SNX29: variants seen among roughly 807,000 people sequenced by gnomAD.
SNX29 encodes the protein sorting nexin 29.
A neutral mutation model predicts 102.1 loss-of-function variants in SNX29; 78 were observed. That is an observed-to-expected ratio of 0.76 (90% CI 0.64 to 0.92). The LOEUF (loss-of-function observed/expected upper bound fraction) is 0.92. Among genes scored for constraint, SNX29 ranks in the 40% least tolerant of loss-of-function variants. SNX29 has a pLI of 0.00. For missense variants in SNX29, 1,280 were observed against 1,061.7 expected (o/e 1.21, Z -2.86); for synonymous variants, 580 against 414.5 (o/e 1.40, Z -4.85).
rs1466684944 is a variant in SNX29 at position 12,043,232 on chromosome 16, G to A, written c.428+155G>A. Among the ~76,000 whole-genome samples the A allele has an allele frequency of 2.0e-5, 3 of 152,222 alleles. No individual in the cohort carries two copies. In the East Asian group the frequency reaches 5.8e-4, roughly 29 times the overall value. On this transcript the variant is annotated intron_variant, in intron 5 of 20. Transcript: ENST00000566228. ...CCGGAGTGTTCTGCTGAGCTGTGGA[G>A]AAACTTGGGGGAGAATCATTGAGAG...
intron 14 of SNX29, among the ~76,000 whole-genome samples, chr16:12,215,947 T>C (rs776982978): frequency 6.6e-6 from 1 of 152,092 alleles, no homozygotes; most frequent in Non-Finnish European, 1.5e-5. Context: ...GCGTGCACAG[T>C]TGTGGGGCCT....
intron 15 of SNX29, among the ~76,000 whole-genome samples, chr16:12,351,204 C>G (rs2081983038): frequency 8.1e-6 from 1 of 123,838 alleles, no homozygotes; most frequent in South Asian, 2.3e-4. Flanking sequence ...AGGCCTGACA[C>G]TTAGTTGGTG....
At chr16:11,999,138 A>G (rs940450256) in intron 1 of SNX29, among the ~76,000 whole-genome samples, 159 bp from the exon 2 acceptor site, 2 of 152,232 alleles carry the variant, frequency 1.3e-5, no homozygotes, top group Admixed American at 1.3e-4. Flanking sequence ...CCTTTGATGC[A>G]GTAACAGGCA....
At chr16:12,481,168 C>A (rs1367743193) in intron 19 of SNX29, among the ~76,000 whole-genome samples, 1 of 151,988 alleles carries the variant, frequency 6.6e-6, no homozygotes, top group African/African-American at 2.4e-5. Flanking sequence ...TAAAAGACAC[C>A]ATCTTAGTGG....
At chr16:12,393,786 G>C (rs1430046556) in intron 16 of SNX29, among the ~76,000 whole-genome samples, 1 of 152,244 alleles carries the variant, frequency 6.6e-6, no homozygotes, top group Non-Finnish European at 1.5e-5. Context: ...TTAACTGTGA[G>C]ACCATGAAGT....
chr16:12,172,174 C>T (rs536232313), intron 13 of SNX29, among the ~76,000 whole-genome samples: 2 of 152,102 alleles, frequency 1.3e-5, no homozygotes, highest in Non-Finnish European at 2.9e-5. Flanking sequence ...CCTGGTGGCT[C>T]TCATTGTGGC....
At chr16:12,380,997 C>A in intron 16 of SNX29, among the ~76,000 whole-genome samples, 2 of 126,396 alleles carry the variant, frequency 1.6e-5, no homozygotes, top group Admixed American at 7.7e-5. Context: ...ATCCACCCAC[C>A]CACCATCCAT....
At chr16:12,533,923 C>A (rs961640783) in intron 20 of SNX29, among the ~76,000 whole-genome samples, 1 of 152,250 alleles carries the variant, frequency 6.6e-6, no homozygotes, top group Non-Finnish European at 1.5e-5. Flanking sequence ...CATATAAAAT[C>A]TGATGTTTAA....
At chr16:12,497,355 C>T (rs780914131) in intron 19 of SNX29, among the ~76,000 whole-genome samples, 1 of 152,170 alleles carries the variant, frequency 6.6e-6, no homozygotes, top group Non-Finnish European at 1.5e-5. Context: ...CATTTCCTGC[C>T]CTCAGAGAGT....
intron 3 of SNX29, among the ~76,000 whole-genome samples, chr16:12,004,889 C>T (rs967834679): frequency 6.6e-6 from 1 of 152,180 alleles, no homozygotes; most frequent in Non-Finnish European, 1.5e-5. Flanking sequence ...TTAATTTTGC[C>T]TATTACCTGT....
intron 13 of SNX29, among the ~76,000 whole-genome samples, chr16:12,187,447 C>G (rs148813912): frequency 0.028 from 4,268 of 151,912 alleles, 81 homozygotes; most frequent in African/African-American, 0.056. Flanking sequence ...ACTTGGGAGG[C>G]TGAGGCAGGA....
intron 1 of SNX29, among the ~76,000 whole-genome samples, chr16:11,985,496 G>A (rs1567493854): frequency 6.6e-6 from 1 of 152,190 alleles, no homozygotes; most frequent in Admixed American, 6.5e-5. Flanking sequence ...AGGACTATCA[G>A]GATTATCTTT....
At chr16:12,551,067 T>C (rs987346123) in intron 20 of SNX29, among the ~76,000 whole-genome samples, 2 of 152,164 alleles carry the variant, frequency 1.3e-5, no homozygotes, top group African/African-American at 4.8e-5. Flanking sequence ...GTGGGGTGTT[T>C]TCATCTCCAT....
At chr16:11,998,297 A>C (rs1229144344) in intron 1 of SNX29, among the ~76,000 whole-genome samples, 2 of 152,114 alleles carry the variant, frequency 1.3e-5, no homozygotes, top group African/African-American at 2.4e-5. Context: ...TCTTGCTTGG[A>C]GTCATTGGGC....
intron 18 of SNX29, among the ~76,000 whole-genome samples, chr16:12,436,472 G>A (rs2085543772): frequency 6.6e-6 from 1 of 152,238 alleles, no homozygotes; most frequent in Non-Finnish European, 1.5e-5. Context: ...CTCCCTGCCA[G>A]ATGCCATTTC....
At chr16:12,490,388 T>G (rs2088486866) in intron 19 of SNX29, among the ~76,000 whole-genome samples, 2 of 152,254 alleles carry the variant, frequency 1.3e-5, no homozygotes. Flanking sequence ...TGTTGGTTCA[T>G]TTTCATTGCT....
At chr16:12,119,698 T>G (rs1469770458) in intron 11 of SNX29, among the ~76,000 whole-genome samples, 1 of 152,188 alleles carries the variant, frequency 6.6e-6, no homozygotes, top group Non-Finnish European at 1.5e-5. Context: ...GGAGCCGGGC[T>G]GGGCCTGGCA....
intron 20 of SNX29, among the ~76,000 whole-genome samples, chr16:12,525,511 A>G (rs1044600218): frequency 1.4e-4 from 22 of 152,106 alleles, no homozygotes; most frequent in African/African-American, 5.1e-4. Context: ...TGTCTCTACT[A>G]AAAATACAAA....
At position 12,061,601 on chromosome 16, in the gene SNX29, G is replaced by C; in HGVS notation, c.1198G>C (p.Asp400His). ...APLKVLHNDS[D>H]ILFPVSGVGS... ...GCTGAAGGTGCTGCACAATGACTCC[G>C]ACATCCTCTTCCCTGTCAGTGGCGT... The change falls in exon 9 of 21, where the codon GAC (aspartate) becomes CAC (histidine). Residue 400 changes from aspartate to histidine, a missense_variant. Physicochemically the swap from Asp to His is moderately conservative, Grantham distance 81 (BLOSUM62 -1). Coordinates refer to ENST00000566228, the MANE Select transcript of SNX29 (RefSeq NM_032167.5). 6.2e-7 allele frequency: 1 copy of C among 1,612,114 alleles called. No individual in the cohort carries two copies. The highest frequency in any genetic ancestry group is 8.5e-7 in the Non-Finnish European group (1 of 1,179,360).
Sources: allele counts gnomAD v4.1 joint callset (sites outside exome capture counted in the v4.1 genomes callset), GRCh38; gene constraint gnomAD v4.1.1; transcripts MANE v1.5; gene names NCBI Gene and HGNC (gene_info 2026-07-23, HGNC 2026-07-21).